The following STX8 variants were observed in gnomAD, a reference collection of about 807,000 sequenced individuals.
STX8 encodes syntaxin 8.
A neutral mutation model predicts 37.5 loss-of-function variants in STX8; 23 were observed. The ratio of observed to expected loss-of-function variants is 0.61; its 90% CI spans 0.44 to 0.87. The LOEUF (loss-of-function observed/expected upper bound fraction) is 0.87, where lower values mean the gene tolerates loss of function less well. STX8 is among the 40% of genes least tolerant of loss of function. The pLI, the probability that STX8 is intolerant of heterozygous loss-of-function variation, is 0.00. For missense variants in STX8, 313 were observed against 284.7 expected (o/e 1.10, Z -0.71); for synonymous variants, 115 against 99.1 (o/e 1.16, Z -0.95).
intron 4 of STX8, among the ~76,000 whole-genome samples, chr17:9,541,572 A>G (rs1248620967): frequency 6.6e-6 from 1 of 152,208 alleles, no homozygotes; most frequent in Non-Finnish European, 1.5e-5. Flanking sequence ...ATGTATCCCC[A>G]GTCTAAGGTC....
chr17:9,556,546 A>G (rs1906970533), intron 3 of STX8, among the ~76,000 whole-genome samples: 1 of 151,658 alleles, frequency 6.6e-6, no homozygotes, highest in South Asian at 2.1e-4. Context: ...GGTTCAAGTG[A>G]TTCTCCTGCC....
Position 9,328,115 on chromosome 17 carries a change from T to C in STX8, c.643+50437A>G, listed in dbSNP as rs551564232. 2.7e-3 allele frequency among the ~76,000 whole-genome samples: 403 copies of C among 151,668 alleles called. 1 individual carries two copies. Among genetic ancestry groups the C allele is most frequent in the South Asian group, 7.0e-3 (33 of 4,738 alleles). The stretch of plus-strand genomic sequence containing the variant: ...TCTTTCAGAGCTAGATCTCACTATG[T>C]TGCCCAGGCTGGTCTTGAACTCTTG... On this transcript the variant is annotated intron_variant, in intron 7 of 7. Transcript: ENST00000306357.
At chr17:9,307,798 T>A (rs543335060) in intron 7 of STX8, among the ~76,000 whole-genome samples, 4 of 152,036 alleles carry the variant, frequency 2.6e-5, no homozygotes, top group Admixed American at 1.3e-4. Context: ...TTCCTGCCCC[T>A]CTTTGTCCTC....
At chr17:9,458,111 T>C (rs1905232656) in intron 6 of STX8, among the ~76,000 whole-genome samples, 1 of 152,256 alleles carries the variant, frequency 6.6e-6, no homozygotes, top group Non-Finnish European at 1.5e-5. Flanking sequence ...TGGTTACCTC[T>C]GCATATACTA....
chr17:9,470,652 G>A (rs1905808343), intron 6 of STX8, among the ~76,000 whole-genome samples: 1 of 152,170 alleles, frequency 6.6e-6, no homozygotes, highest in South Asian at 2.1e-4. Context: ...AACAGGAAAA[G>A]TAACATGATA....
chr17:9,367,180 T>G (rs1911255027), intron 7 of STX8, among the ~76,000 whole-genome samples: 1 of 152,014 alleles, frequency 6.6e-6, no homozygotes, highest in Non-Finnish European at 1.5e-5. Context: ...TTGTTTTTTT[T>G]TTTTTGGTTT....
At chr17:9,365,015 G>A (rs1203395097) in intron 7 of STX8, among the ~76,000 whole-genome samples, 1 of 152,162 alleles carries the variant, frequency 6.6e-6, no homozygotes. Flanking sequence ...GTGATGAGGA[G>A]AAGAGAAAGT....
At chr17:9,404,463 CT>C (rs34954709) in intron 6 of STX8, among the ~76,000 whole-genome samples, 50,738 of 148,510 alleles carry the variant, frequency 0.34, 8,912 homozygotes, top group East Asian at 0.65. Flanking sequence ...CAAAAGTAGT[CT>C]TTTTTTTTTT....
chr17:9,350,530 GT>G (rs995710347), intron 7 of STX8, among the ~76,000 whole-genome samples: 60 of 145,738 alleles, frequency 4.1e-4, no homozygotes, highest in African/African-American at 1.5e-3. Flanking sequence ...TTTTTTTTTT[GT>G]TTTTGTTTTT....
At chr17:9,449,509 C>T (rs569516227) in intron 6 of STX8, among the ~76,000 whole-genome samples, 1 of 152,072 alleles carries the variant, frequency 6.6e-6, no homozygotes, top group Admixed American at 6.5e-5. Context: ...TGCAGTGAGC[C>T]GAGATGGAGC....
intron 4 of STX8, among the ~76,000 whole-genome samples, chr17:9,512,795 A>C (rs2142510752): frequency 6.6e-6 from 1 of 152,370 alleles, no homozygotes; most frequent in Non-Finnish European, 1.5e-5. Context: ...CAGTCTCTTC[A>C]ATAAATGGTG....
chr17:9,282,904 CTT>C (rs5819219), intron 7 of STX8, among the ~76,000 whole-genome samples: 14 of 149,142 alleles, frequency 9.4e-5, no homozygotes, highest in African/African-American at 3.2e-4. Flanking sequence ...GGAGATGAAT[CTT>C]TTTTTTTTTT....
intron 4 of STX8, among the ~76,000 whole-genome samples, chr17:9,534,102 TA>T (rs1319484530): frequency 1.3e-5 from 2 of 152,010 alleles, no homozygotes; most frequent in Non-Finnish European, 1.5e-5. Context: ...AAAGCCAAGA[TA>T]AAAAAATGCT....
chr17:9,380,244 A>G (rs1567804697), intron 6 of STX8, among the ~76,000 whole-genome samples: 2 of 135,988 alleles, frequency 1.5e-5, no homozygotes, highest in Admixed American at 1.5e-4. Flanking sequence ...TGTTGTTTGA[A>G]TTTCTGTGTG....
intron 7 of STX8, among the ~76,000 whole-genome samples, chr17:9,302,574 G>A (rs1256384185): frequency 6.6e-6 from 1 of 152,130 alleles, no homozygotes; most frequent in Non-Finnish European, 1.5e-5. Flanking sequence ...GTGAGCAGAA[G>A]CGGTGTGGCC....
intron 4 of STX8, among the ~76,000 whole-genome samples, chr17:9,543,073 C>G (rs1906347127): frequency 6.6e-6 from 1 of 152,164 alleles, no homozygotes; most frequent in Admixed American, 6.5e-5. Context: ...GAGTCTGGTG[C>G]AAAACATGCT....
intron 4 of STX8, among the ~76,000 whole-genome samples, chr17:9,522,783 G>A (rs1318497793): frequency 6.6e-6 from 1 of 152,068 alleles, no homozygotes; most frequent in Non-Finnish European, 1.5e-5. Context: ...AGGGCAAGAG[G>A]TTGGGGGAAG....
At chr17:9,443,449 G>A (rs749259428) in intron 6 of STX8, among the ~76,000 whole-genome samples, 9 of 152,120 alleles carry the variant, frequency 5.9e-5, no homozygotes, top group Non-Finnish European at 7.4e-5. Context: ...AGTCTGTTGC[G>A]AGTTCATGTG....
At chr17:9,480,821 A>G (rs1312224184) in intron 6 of STX8, among the ~76,000 whole-genome samples, 4 of 152,276 alleles carry the variant, frequency 2.6e-5, no homozygotes, top group East Asian at 1.9e-4. Context: ...TCTGACATCA[A>G]TGTGTGTCTA....
Sources: allele counts gnomAD v4.1 joint callset (sites outside exome capture counted in the v4.1 genomes callset), GRCh38; gene constraint gnomAD v4.1.1; transcripts MANE v1.5; gene names NCBI Gene and HGNC (gene_info 2026-07-23, HGNC 2026-07-21).